HHIP: variants seen among roughly 807,000 people sequenced by gnomAD.
HHIP encodes the protein hedgehog interacting protein, also known as hedgehog-interacting protein.
Under a neutral mutation model 74.0 loss-of-function variants are expected in HHIP, and 12 were observed. The ratio of observed to expected loss-of-function variants is 0.16; its 90% CI spans 0.10 to 0.26. The LOEUF is 0.26. Among genes scored for constraint, HHIP ranks in the 10% least tolerant of loss-of-function variants. HHIP has a pLI of 1.00. For synonymous variants in HHIP, 309 were observed against 311.6 expected (o/e 0.99, Z 0.09); for missense variants, 788 against 845.0 (o/e 0.93, Z 0.84).
intron 3 of HHIP, 30 bp from the exon 4 acceptor site, chr4:144,659,607 A>G (rs1728648255): frequency 7.2e-7 from 1 of 1,397,328 alleles, no homozygotes; most frequent in South Asian, 1.9e-5. Context: ...ATCTCAAGAA[A>G]AGCTTACCGG....
rs955579185 is a variant in HHIP at position 144,740,681 on chromosome 4, G to A, written c.*2724G>A. 1 of 152,214 alleles carries A rather than the reference G, an allele frequency of 6.6e-6. No homozygotes were observed. Among genetic ancestry groups the A allele is most frequent in the East Asian group, 1.9e-4 (1 of 5,192 alleles). 9.4% of individuals were successfully genotyped at this position (152,214 alleles called of 1,614,324 possible). On this transcript the variant is annotated 3_prime_UTR_variant, in exon 13 of 13. Coordinates refer to ENST00000296575, the MANE Select transcript of HHIP (RefSeq NM_022475.3). ...CATGATGAGAGGCAGGTAGGAATTGGTTAAGAAGTATGAGCAGGAAAAAAT... is the reference window on the plus strand; with the variant it reads ...CATGATGAGAGGCAGGTAGGAATTGATTAAGAAGTATGAGCAGGAAAAAAT...
intron 12 of HHIP, among the ~76,000 whole-genome samples, chr4:144,737,350 T>C (rs1731149021): frequency 6.6e-6 from 1 of 152,208 alleles, no homozygotes; most frequent in Non-Finnish European, 1.5e-5. Context: ...CTTGAGCCTC[T>C]GTGTCTCCCC....
chr4:144,717,817 T>C (rs1186858911), intron 10 of HHIP, among the ~76,000 whole-genome samples: 1 of 152,186 alleles, frequency 6.6e-6, no homozygotes, highest in East Asian at 1.9e-4. Context: ...CATATTTTGA[T>C]GTACTTTCAT....
chr4:144,727,680 G>T (rs560490234), intron 11 of HHIP, among the ~76,000 whole-genome samples: 2 of 152,202 alleles, frequency 1.3e-5, no homozygotes, highest in East Asian at 3.9e-4. Flanking sequence ...GGTTTTCCCT[G>T]TAAGATATTA....
intron 11 of HHIP, among the ~76,000 whole-genome samples, chr4:144,726,045 G>GA (rs996381937): frequency 2.0e-5 from 3 of 151,796 alleles, no homozygotes; most frequent in African/African-American, 7.3e-5. Context: ...GATAAAATCA[G>GA]AAAAAAATTC....
At chr4:144,675,799 A>G (rs1013484841) in intron 4 of HHIP, among the ~76,000 whole-genome samples, 2 of 152,206 alleles carry the variant, frequency 1.3e-5, no homozygotes, top group African/African-American at 4.8e-5. Context: ...ATGTTTAGGT[A>G]TATGAGTAGT....
chr4:144,707,255 G>T lies in HHIP; in HGVS notation c.1152G>T (p.Gly384=). 2.5e-6 allele frequency: 4 copies of T among 1,605,712 alleles called. No homozygotes were observed. Among genetic ancestry groups the T allele is most frequent in the Non-Finnish European group, 3.4e-6 (4 of 1,176,228 alleles). Residue 384 remains glycine, a synonymous_variant, in exon 6 of 13, where the codon GGG becomes GGT. Coordinates refer to ENST00000296575, the MANE Select transcript of HHIP (RefSeq NM_022475.3). The part of the protein sequence containing the change: ...ITLDDMEEMD[G]LSDFTGSVLR... ...TGGATGATATGGAAGAAATGGATGG[G>T]TTAAGGTAAAAGGCTGATCACAGAT...
At chr4:144,704,901 A>T (rs972058515) in intron 4 of HHIP, among the ~76,000 whole-genome samples, 1 of 152,224 alleles carries the variant, frequency 6.6e-6, no homozygotes, top group African/African-American at 2.4e-5. Context: ...TATTTAATGA[A>T]GATTTAAGCA....
intron 11 of HHIP, among the ~76,000 whole-genome samples, chr4:144,723,602 G>A (rs1730699158): frequency 6.6e-6 from 1 of 152,152 alleles, no homozygotes; most frequent in Admixed American, 6.5e-5. Flanking sequence ...TTTTATGCAA[G>A]TGGCCCCCCT....
intron 4 of HHIP, among the ~76,000 whole-genome samples, chr4:144,679,142 T>A (rs374086855): frequency 2.0e-5 from 3 of 151,712 alleles, no homozygotes; most frequent in Non-Finnish European, 4.4e-5. Flanking sequence ...GATGATTAGT[T>A]TTTTTTTTCT....
At chr4:144,674,250 C>T (rs1729117811) in intron 4 of HHIP, among the ~76,000 whole-genome samples, 1 of 152,148 alleles carries the variant, frequency 6.6e-6, no homozygotes. Context: ...CACACAGTGT[C>T]AAATAATGTT....
chr4:144,693,763 T>C (rs1415628874), intron 4 of HHIP, among the ~76,000 whole-genome samples: 2 of 151,954 alleles, frequency 1.3e-5, no homozygotes, highest in African/African-American at 4.8e-5. Flanking sequence ...TTCTTTCCTA[T>C]AGAAAACATG....
At chr4:144,659,017 G>A (rs1038801804) in intron 3 of HHIP, 71 bp downstream of exon 3, 9 of 1,236,414 alleles carry the variant, frequency 7.3e-6, no homozygotes, top group Non-Finnish European at 1.0e-5. Context: ...TTTTGACAGT[G>A]AATCAACTGT....
In HHIP at chr4:144,715,436, G is replaced by C. The variant is rs371933871; in HGVS notation, c.1678+6G>C. ...ATTTGGAGAAGATGAACTAGGTACT[G>C]TACAATCTAGTTCTGTTAAGTTTCA... On this transcript the variant is annotated splice_donor_region_variant and intron_variant, in intron 10 of 12. Transcript: ENST00000296575. The C allele has an allele frequency of 8.7e-6, 14 of 1,611,566 alleles. No individual in the cohort carries two copies. In the African/African-American group the frequency reaches 1.9e-4, roughly 22 times the overall value.
intron 1 of HHIP, 143 bp downstream of exon 1, chr4:144,647,097 G>T: frequency 3.0e-6 from 2 of 665,156 alleles, no homozygotes; most frequent in Non-Finnish European, 5.0e-6. Flanking sequence ...TAGCGCTAAC[G>T]TGATTCCGTT....
At chr4:144,683,378 T>C (rs936374254) in intron 4 of HHIP, among the ~76,000 whole-genome samples, 2 of 152,198 alleles carry the variant, frequency 1.3e-5, no homozygotes, top group Admixed American at 6.5e-5. Flanking sequence ...AATTGAGCTA[T>C]AGTTTAAAAA....
At chr4:144,676,001 C>T (rs1729159429) in intron 4 of HHIP, among the ~76,000 whole-genome samples, 1 of 152,112 alleles carries the variant, frequency 6.6e-6, no homozygotes. Context: ...CATCAAAATT[C>T]TTTCCTATAA....
intron 7 of HHIP, among the ~76,000 whole-genome samples, chr4:144,711,450 G>A (rs1041311726): frequency 7.2e-5 from 11 of 151,996 alleles, no homozygotes; most frequent in African/African-American, 7.3e-5. Flanking sequence ...TTTTAAGCCC[G>A]TATGCGTTAG....
At chr4:144,699,448 T>C (rs1285913835) in intron 4 of HHIP, among the ~76,000 whole-genome samples, 1 of 152,120 alleles carries the variant, frequency 6.6e-6, no homozygotes, top group Non-Finnish European at 1.5e-5. Context: ...GGAGGTTTCA[T>C]TACACAGACA....
Sources: allele counts gnomAD v4.1 joint callset (sites outside exome capture counted in the v4.1 genomes callset), GRCh38; gene constraint gnomAD v4.1.1; transcripts MANE v1.5; gene names NCBI Gene and HGNC (gene_info 2026-07-23, HGNC 2026-07-21).